Variants in KLF12 observed in about 807,000 individuals in gnomAD.
KLF12 encodes the protein Krueppel-like factor 12.
A neutral mutation model predicts 37.8 loss-of-function variants in KLF12; 9 were observed. The observed-to-expected ratio is 0.24, with a 90% CI of 0.14 to 0.42. KLF12 has a LOEUF of 0.42. KLF12 is among the 10% of genes least tolerant of loss of function. The pLI is 1.00. For synonymous variants in KLF12, 208 were observed against 202.1 expected (o/e 1.03, Z -0.25); for missense variants, 411 against 516.0 (o/e 0.80, Z 1.97).
chr13:74,180,779 T>G, the KLF12 span, among the ~76,000 whole-genome samples: 1 of 152,104 alleles, frequency 6.6e-6, no homozygotes, highest in African/African-American at 2.4e-5. Flanking sequence ...ATATAAAAAT[T>G]TAAAATGTAA....
intron 6 of KLF12, among the ~76,000 whole-genome samples, chr13:73,737,765 T>G (rs947913563): frequency 2.0e-5 from 3 of 152,088 alleles, no homozygotes; most frequent in Admixed American, 6.6e-5. Context: ...ATCTAAAAGC[T>G]GATTTTCACA....
At chr13:73,819,621 C>T (rs1883414926) in intron 4 of KLF12, among the ~76,000 whole-genome samples, 1 of 152,178 alleles carries the variant, frequency 6.6e-6, no homozygotes, top group African/African-American at 2.4e-5. Flanking sequence ...AATTCCTGCT[C>T]TCATGCTGCA....
chr13:74,008,523 G>A (rs746401564), intron 1 of KLF12, among the ~76,000 whole-genome samples: 1 of 152,098 alleles, frequency 6.6e-6, no homozygotes, highest in Non-Finnish European at 1.5e-5. Context: ...TATTTGATTC[G>A]CTAATGAAGA....
intron 6 of KLF12, among the ~76,000 whole-genome samples, chr13:73,740,739 A>T (rs1284377053): frequency 1.3e-5 from 2 of 152,204 alleles, no homozygotes; most frequent in Admixed American, 6.5e-5. Context: ...AGCAGGAATC[A>T]GGGAAAGCAT....
chr13:74,116,288 A>G (rs1877300059), intron 1 of KLF12, among the ~76,000 whole-genome samples: 1 of 152,216 alleles, frequency 6.6e-6, no homozygotes, highest in Non-Finnish European at 1.5e-5. Context: ...TAGGGAAAAA[A>G]GGCCAGAGAT....
At chr13:73,966,551 T>G (rs954962089) in intron 2 of KLF12, among the ~76,000 whole-genome samples, 2 of 152,160 alleles carry the variant, frequency 1.3e-5, no homozygotes, top group Non-Finnish European at 2.9e-5. Context: ...CAAGTCTCAT[T>G]TGAGGACAGC....
intron 6 of KLF12, among the ~76,000 whole-genome samples, chr13:73,726,613 C>T (rs1594013416): frequency 6.6e-6 from 1 of 152,332 alleles, no homozygotes; most frequent in Admixed American, 6.5e-5. Flanking sequence ...CAATACTTCA[C>T]TCATTTTATA....
intron 3 of KLF12, among the ~76,000 whole-genome samples, chr13:73,913,072 C>T (rs1888649064): frequency 6.6e-6 from 1 of 152,190 alleles, no homozygotes; most frequent in Admixed American, 6.5e-5. Context: ...ATTTCTCCGA[C>T]ACGTATCTGT....
chr13:73,890,126 G>C (rs1176257970), intron 3 of KLF12, among the ~76,000 whole-genome samples: 1 of 152,040 alleles, frequency 6.6e-6, no homozygotes, highest in African/African-American at 2.4e-5. Context: ...CTTATTTGTA[G>C]TTTATTATTA....
intron 3 of KLF12, among the ~76,000 whole-genome samples, chr13:73,852,516 TCA>T (rs1279056759): frequency 6.6e-6 from 1 of 152,188 alleles, no homozygotes; most frequent in East Asian, 1.9e-4. Context: ...GCACGGTGAC[TCA>T]CGCCTGTAAT....
At chr13:74,070,271 C>T (rs948600691) in intron 1 of KLF12, among the ~76,000 whole-genome samples, 4 of 152,172 alleles carry the variant, frequency 2.6e-5, no homozygotes, top group Admixed American at 6.6e-5. Context: ...AATGCAAAAG[C>T]GAAGTCAAAG....
At chr13:74,012,156 G>A (rs956088079) in intron 1 of KLF12, among the ~76,000 whole-genome samples, 1 of 152,198 alleles carries the variant, frequency 6.6e-6, no homozygotes, top group Non-Finnish European at 1.5e-5. Context: ...CCCTTGGAGA[G>A]CTATAATTGT....
Position 73,715,508 on chromosome 13 carries a change from C to A in KLF12, c.887G>T (p.Ser296Ile). ...TCTCTGGCGTCTTGTGCTCTCAATA[C>A]TAAATGGTGAAATTGAACTGGAAAA... The change falls in exon 7 of 8, where the codon AGT (serine) becomes ATT (isoleucine). Residue 296 changes from serine (S) to isoleucine (I), a missense_variant. Physicochemically the swap from Ser to Ile is moderately radical, Grantham distance 142. Around this residue, in one of 2 missense-constraint regions of KLF12, gnomAD observed 351 missense variants for 397.8 expected, o/e 0.88. Coordinates refer to ENST00000377669, the MANE Select transcript of KLF12 (RefSeq NM_007249.5). 6.2e-7 allele frequency: 1 copy of A among 1,613,600 alleles called. No homozygotes were observed. Among genetic ancestry groups the A allele is most frequent in the Non-Finnish European group, 8.5e-7 (1 of 1,179,814 alleles).
intron 2 of KLF12, among the ~76,000 whole-genome samples, chr13:73,964,827 CA>C (rs1030405165): frequency 5.3e-5 from 8 of 151,912 alleles, no homozygotes; most frequent in South Asian, 2.1e-4. Context: ...ACTTCAAAAA[CA>C]AAAAACATGA....
rs891138543 is a variant in KLF12 at position 73,690,808 on chromosome 13, A to C, written c.*4682T>G. ...CTCTGTAAAATTTGTGAGTTTGAAA[A>C]TACTTTTTCCACTATCACATATGTT... is the stretch of plus-strand genomic sequence containing the variant. On this transcript the variant is annotated 3_prime_UTR_variant, in exon 8 of 8. Coordinates refer to ENST00000377669, the MANE Select transcript of KLF12 (RefSeq NM_007249.5). 1 of 152,616 alleles carries C rather than the reference A, an allele frequency of 6.6e-6. No homozygotes were observed. The highest frequency in any genetic ancestry group is 2.4e-5 in the African/African-American group (1 of 41,452). The allele number at this position is 152,616 out of a possible 1,614,324, so 9.5% of individuals were successfully genotyped here. A position where few individuals can be genotyped will look rare whatever the true frequency, so the allele number is the denominator to read the frequency against.
intron 7 of KLF12, among the ~76,000 whole-genome samples, chr13:73,701,441 C>A (rs1226323045): frequency 6.6e-6 from 1 of 152,170 alleles, no homozygotes; most frequent in Non-Finnish European, 1.5e-5. Context: ...CTTCTTTTGT[C>A]TAACTCACAA....
chr13:73,942,202 G>A (rs1890219530), intron 3 of KLF12, among the ~76,000 whole-genome samples: 1 of 152,136 alleles, frequency 6.6e-6, no homozygotes, highest in Non-Finnish European at 1.5e-5. Context: ...CACGATCCTG[G>A]CTTTGACCAT....
intron 1 of KLF12, among the ~76,000 whole-genome samples, chr13:74,118,199 G>C (rs983475401): frequency 6.6e-6 from 1 of 152,222 alleles, no homozygotes; most frequent in African/African-American, 2.4e-5. Flanking sequence ...AGAGATTTAT[G>C]AAACAAGATG....
intron 5 of KLF12, among the ~76,000 whole-genome samples, chr13:73,782,312 A>G (rs896726791): frequency 6.6e-6 from 1 of 152,206 alleles, no homozygotes; most frequent in African/African-American, 2.4e-5. Flanking sequence ...CTGGAGTCTC[A>G]TGCTGCAGTG....
Sources: gnomAD v4.1 joint callset for allele counts (sites outside exome capture counted in the v4.1 genomes callset) on GRCh38, gnomAD v4.1.1 for gene constraint, gnomAD v4.1.1 regional missense constraint, MANE v1.5 for transcripts, NCBI Gene and HGNC (gene_info 2026-07-23, HGNC 2026-07-21) for gene names.